The following ZC4H2 variants were observed in gnomAD, a reference collection of about 807,000 sequenced individuals.
ZC4H2 encodes the protein zinc finger C4H2-type containing.
For missense variants in ZC4H2, 137 were observed against 173.9 expected (o/e 0.79, Z 1.19); for synonymous variants, 84 against 66.3 (o/e 1.27, Z -1.30).
At chrX:64,950,156 T>C (rs991074563) in intron 1 of ZC4H2, among the ~76,000 whole-genome samples, 4 of 111,721 alleles carry the variant, frequency 3.6e-5, no homozygotes, top group African/African-American at 1.3e-4. Flanking sequence ...AGTTGAGCGG[T>C]TTTGAGTGAG....
chrX:64,964,822 A>G (rs1931529690), intron 1 of ZC4H2, among the ~76,000 whole-genome samples: 1 of 111,540 alleles, frequency 9.0e-6, no homozygotes, highest in South Asian at 3.8e-4. Context: ...TTTAAACCAA[A>G]AAGTACCAAA....
Position 64,917,575 on chromosome X carries a change from G to C in ZC4H2, c.*208C>G, listed in dbSNP as rs916016893. ...GAGAGAAGGGATCATCAGACACACTGTTTAGCACCTGAACCACATCTCTTC... is the reference window on the plus strand; with the variant it reads ...GAGAGAAGGGATCATCAGACACACTCTTTAGCACCTGAACCACATCTCTTC... On this transcript the variant is annotated 3_prime_UTR_variant, in exon 5 of 5. Coordinates refer to ENST00000374839, the MANE Select transcript of ZC4H2 (RefSeq NM_018684.4). 20 of 482,951 alleles carry C rather than the reference G, an allele frequency of 4.1e-5. No individual in the cohort carries two copies. Among genetic ancestry groups the C allele is most frequent in the Middle Eastern group, 6.4e-4 (1 of 1,573 alleles). 39.8% of individuals were successfully genotyped at this position (482,951 alleles called of 1,213,427 possible). A position where few individuals can be genotyped will look rare whatever the true frequency, so the allele number is the denominator to read the frequency against.
chrX:65,017,591 T>G (rs1932805844), intron 1 of ZC4H2, among the ~76,000 whole-genome samples: 1 of 112,159 alleles, frequency 8.9e-6, no homozygotes, highest in African/African-American at 3.2e-5. Flanking sequence ...TTGCTGTATC[T>G]CAGCCAGAGG....
At chrX:64,982,708 GCTT>G (rs1932106705) in intron 1 of ZC4H2, among the ~76,000 whole-genome samples, 1 of 112,149 alleles carries the variant, frequency 8.9e-6, no homozygotes, top group African/African-American at 3.2e-5. Flanking sequence ...GGGCAAAATG[GCTT>G]CATTTATAGT....
chrX:64,957,726 G>A (rs1191586785), intron 1 of ZC4H2, among the ~76,000 whole-genome samples: 2 of 109,833 alleles, frequency 1.8e-5, no homozygotes, highest in Non-Finnish European at 3.8e-5. Context: ...GCCAGGTGTG[G>A]TGGTGCATGC....
At chrX:65,025,588 C>T (rs1209094531) in intron 1 of ZC4H2, among the ~76,000 whole-genome samples, 1 of 111,364 alleles carries the variant, frequency 9.0e-6, no homozygotes, top group East Asian at 2.8e-4. Flanking sequence ...AAGCAAGATG[C>T]CATCCCTCCA....
chrX:64,958,815 G>A (rs1266094677), intron 1 of ZC4H2, among the ~76,000 whole-genome samples: 3 of 111,573 alleles, frequency 2.7e-5, no homozygotes, highest in African/African-American at 9.8e-5. Context: ...CATTCAGAAA[G>A]ATGGAGAATT....
At chrX:65,010,053 G>T (rs1932733924) in intron 1 of ZC4H2, among the ~76,000 whole-genome samples, 1 of 112,255 alleles carries the variant, frequency 8.9e-6, no homozygotes, top group Non-Finnish European at 1.9e-5. Flanking sequence ...TAAAGACAAT[G>T]ACTTTTTACT....
intron 1 of ZC4H2, among the ~76,000 whole-genome samples, chrX:64,988,003 C>A (rs935125475): frequency 9.5e-6 from 1 of 105,537 alleles, no homozygotes; most frequent in Non-Finnish European, 1.9e-5. Flanking sequence ...TCTGTCCTTG[C>A]GGTAGTTTGC....
intron 1 of ZC4H2, among the ~76,000 whole-genome samples, chrX:64,951,414 C>T (rs1216045592): frequency 2.7e-5 from 3 of 111,766 alleles, no homozygotes; most frequent in Non-Finnish European, 3.8e-5. Context: ...TACAGTCCCA[C>T]CAACAGTGTA....
intron 1 of ZC4H2, among the ~76,000 whole-genome samples, chrX:64,954,762 C>G (rs1931086802): frequency 9.1e-6 from 1 of 110,279 alleles, no homozygotes; most frequent in African/African-American, 3.3e-5. Context: ...GTTTATAAAA[C>G]TACTAACCCA....
At chrX:65,015,264 A>G (rs751238263) in intron 1 of ZC4H2, among the ~76,000 whole-genome samples, 1 of 112,043 alleles carries the variant, frequency 8.9e-6, no homozygotes, top group Admixed American at 9.5e-5. Context: ...CCCTTGAAGC[A>G]CCTACTATGT....
chrX:64,982,450 A>G (rs769387522), intron 1 of ZC4H2, among the ~76,000 whole-genome samples: 10 of 112,642 alleles, frequency 8.9e-5, no homozygotes, highest in Non-Finnish European at 1.9e-4. Context: ...GAATTATAAT[A>G]GGCATTGATT....
chrX:64,920,022 A>G (rs1929118421), intron 3 of ZC4H2, 59 bp downstream of exon 3: 1 of 1,134,334 alleles, frequency 8.8e-7, no homozygotes, highest in Non-Finnish European at 1.2e-6. Flanking sequence ...GTAGGTATGT[A>G]AGTATGTATG....
At chrX:64,927,905 T>C (rs751526010) in intron 1 of ZC4H2, among the ~76,000 whole-genome samples, 169 of 112,784 alleles carry the variant, frequency 1.5e-3, no homozygotes, top group Non-Finnish European at 2.2e-3. Flanking sequence ...TTCATATGTT[T>C]GACGGCCACT....
At chrX:64,920,597 C>T (rs1929155634) in intron 2 of ZC4H2, among the ~76,000 whole-genome samples, 1 of 112,026 alleles carries the variant, frequency 8.9e-6, no homozygotes, top group South Asian at 3.7e-4. Flanking sequence ...TCATTTAGTC[C>T]ACCTTACTCC....
intron 1 of ZC4H2, among the ~76,000 whole-genome samples, chrX:64,998,999 A>AAAGTGAATCT (rs1404144488): frequency 1.0e-5 from 1 of 98,659 alleles, no homozygotes; most frequent in Non-Finnish European, 2.0e-5. Flanking sequence ...CTTTGGATTG[A>AAAGTGAATCT]AAGTGAATCT....
chrX:64,922,260 G>C, intron 1 of ZC4H2: 2 of 202,399 alleles, frequency 9.9e-6, no homozygotes, highest in East Asian at 1.0e-4. Flanking sequence ...AAAAAAAAAA[G>C]AAAAAGAAAA....
intron 1 of ZC4H2, among the ~76,000 whole-genome samples, chrX:64,968,832 A>G (rs1367308310): frequency 1.8e-5 from 2 of 111,321 alleles, no homozygotes; most frequent in Non-Finnish European, 3.8e-5. Flanking sequence ...TTTGTAAAGA[A>G]CAAAAATTTA....
Sources: allele counts gnomAD v4.1 joint callset (sites outside exome capture counted in the v4.1 genomes callset), GRCh38; gene constraint gnomAD v4.1.1; transcripts MANE v1.5; gene names NCBI Gene and HGNC (gene_info 2026-07-23, HGNC 2026-07-21).